The following MOV10L1 variants were observed in gnomAD, a reference collection of about 807,000 sequenced individuals.
MOV10L1 encodes Mov10 like RNA helicase 1.
Under a neutral mutation model 143.8 loss-of-function variants are expected in MOV10L1, and 110 were observed. The observed-to-expected ratio is 0.76, with a 90% CI of 0.66 to 0.90. The LOEUF is 0.90. Ranked by LOEUF, MOV10L1 falls within the 40% of genes least tolerant of loss-of-function variation. The pLI is 0.00. For synonymous variants in MOV10L1, 593 were observed against 581.1 expected (o/e 1.02, Z -0.29); for missense variants, 1,406 against 1,526.8 (o/e 0.92, Z 1.32).
chr22:50,142,236 G>T (rs201712990), intron 16 of MOV10L1, 47 bp downstream of exon 16: 3 of 1,508,766 alleles, frequency 2.0e-6, no homozygotes, highest in African/African-American at 2.8e-5. Flanking sequence ...TGAGACTGTC[G>T]CCTGGAAAAC....
intron 2 of MOV10L1, chr22:50,095,204 C>G (rs534430389): frequency 7.9e-5 from 12 of 152,314 alleles, no homozygotes; most frequent in Admixed American, 2.0e-4. Context: ...ACGTTCCCCA[C>G]CTGCACTTTC....
At chr22:50,097,699 T>G (rs146191501) in intron 2 of MOV10L1, among the ~76,000 whole-genome samples, 286 of 152,292 alleles carry the variant, frequency 1.9e-3, no homozygotes, top group Admixed American at 0.011. Flanking sequence ...AACCTTCAAT[T>G]TTGTTACTCC....
intron 12 of MOV10L1, among the ~76,000 whole-genome samples, chr22:50,127,827 C>T (rs931472869): frequency 6.6e-6 from 1 of 151,128 alleles, no homozygotes; most frequent in African/African-American, 2.4e-5. Flanking sequence ...GCCTGGAGTA[C>T]AGTGGTACGA....
At chr22:50,102,862 C>T (rs934951085) in intron 3 of MOV10L1, among the ~76,000 whole-genome samples, 3 of 152,070 alleles carry the variant, frequency 2.0e-5, no homozygotes, top group Admixed American at 6.6e-5. Flanking sequence ...GATCACACCA[C>T]TGCACTCCAG....
At chr22:50,131,181 T>C (rs2062668438) in intron 13 of MOV10L1, among the ~76,000 whole-genome samples, 1 of 152,082 alleles carries the variant, frequency 6.6e-6, no homozygotes, top group Non-Finnish European at 1.5e-5. Flanking sequence ...GTGCTGGGAT[T>C]ACAGGTGTGG....
chr22:50,142,467 G>A (rs529653174), intron 16 of MOV10L1, among the ~76,000 whole-genome samples: 4 of 152,146 alleles, frequency 2.6e-5, no homozygotes, highest in African/African-American at 7.2e-5. Flanking sequence ...CTCTAAAGCC[G>A]CAGAATCGGT....
chr22:50,127,450 G>C (rs2062543057), intron 12 of MOV10L1, among the ~76,000 whole-genome samples: 1 of 152,148 alleles, frequency 6.6e-6, no homozygotes. Context: ...GTCAGGACTT[G>C]GTCTGTCTTC....
intron 9 of MOV10L1, among the ~76,000 whole-genome samples, chr22:50,119,281 C>T (rs184459753): frequency 7.9e-5 from 12 of 152,280 alleles, no homozygotes; most frequent in Admixed American, 7.2e-4. Context: ...CCCGGGTTGG[C>T]TCGAGCACAC....
intron 5 of MOV10L1, among the ~76,000 whole-genome samples, chr22:50,110,496 G>T (rs1318126819): frequency 6.6e-6 from 1 of 151,412 alleles, no homozygotes; most frequent in Non-Finnish European, 1.5e-5. Context: ...CCATCTCTAT[G>T]GTTGACTGAA....
At chr22:50,144,684 C>T (rs1204095128) in intron 18 of MOV10L1, among the ~76,000 whole-genome samples, 1 of 151,886 alleles carries the variant, frequency 6.6e-6, no homozygotes, top group African/African-American at 2.4e-5. Flanking sequence ...CAGGTTCACA[C>T]CATTCTCTGG....
chr22:50,146,094 C>T (rs367731493), intron 19 of MOV10L1, among the ~76,000 whole-genome samples: 2 of 152,074 alleles, frequency 1.3e-5, no homozygotes, highest in East Asian at 1.9e-4. Context: ...CCAAAGGAGA[C>T]TGTAGAGCCA....
In MOV10L1 at chr22:50,143,147, CG is replaced by C. The variant is rs1461085860; in HGVS notation, c.2285del (p.Arg762LeufsTer17). On this transcript the variant is annotated frameshift_variant, in exon 17 of 27. Coordinates refer to ENST00000262794, the MANE Select transcript of MOV10L1 (RefSeq NM_018995.3). LOFTEE classifies it high-confidence loss of function. ...AVKRILSGDCRPLPYILFGPP... is the reference protein window; with the variant it reads ...AVKRILSGDCXPLPYILFGPP... ...TAAAAGGATTCTGAGTGGTGACTGC[CG>C]TCCCCTCCCGTATATTCTCTTTGGA... is the stretch of plus-strand genomic sequence containing the variant. The C allele has an allele frequency of 1.2e-6, 2 of 1,613,932 alleles. No individual in the cohort carries two copies. Among genetic ancestry groups the C allele is most frequent in the East Asian group, 4.5e-5 (2 of 44,894 alleles).
At chr22:50,138,204 G>A (rs2062885539) in intron 15 of MOV10L1, among the ~76,000 whole-genome samples, 2 of 152,276 alleles carry the variant, frequency 1.3e-5, no homozygotes, top group South Asian at 2.1e-4. Context: ...TGTTTCCTCA[G>A]CATTTCTGCC....
At chr22:50,139,258 T>C (rs1490910360) in intron 15 of MOV10L1, among the ~76,000 whole-genome samples, 2 of 152,040 alleles carry the variant, frequency 1.3e-5, no homozygotes, top group Non-Finnish European at 2.9e-5. Flanking sequence ...ATAGCCGCAA[T>C]GTCAAGCCTA....
At chr22:50,122,037 G>A (rs6010176) in intron 10 of MOV10L1, among the ~76,000 whole-genome samples, 79 of 152,070 alleles carry the variant, frequency 5.2e-4, no homozygotes, top group African/African-American at 1.6e-3. Flanking sequence ...TATTCCTCCC[G>A]CCTCAGCCTC....
At chr22:50,157,423 G>T (rs995061163) in intron 22 of MOV10L1, among the ~76,000 whole-genome samples, 2 of 152,052 alleles carry the variant, frequency 1.3e-5, no homozygotes, top group African/African-American at 4.8e-5. Context: ...TAATGTCGTG[G>T]GGCTTTTTCC....
chr22:50,149,046 C>G (rs2063226846), intron 19 of MOV10L1, among the ~76,000 whole-genome samples: 2 of 152,212 alleles, frequency 1.3e-5, no homozygotes, highest in African/African-American at 4.8e-5. Flanking sequence ...AGGCAGTGCC[C>G]AGCTGAGAGT....
chr22:50,152,792 C>G lies in MOV10L1; in HGVS notation c.2893-253C>G, dbSNP rs188438775. On this transcript the variant is annotated intron_variant, in intron 21 of 26. Coordinates refer to ENST00000262794, the MANE Select transcript of MOV10L1 (RefSeq NM_018995.3). The surrounding 1 kb of genome is among the most constrained non-coding windows in gnomAD (Gnocchi z 4.4). ...AGAGGCCCCTCAGCGGCACCCAGAC[C>G]CAGGAGAGGAACAGAGGGCAGCCGT... is the stretch of plus-strand genomic sequence containing the variant. Among the ~76,000 whole-genome samples the G allele has an allele frequency of 5.9e-5, 9 of 152,258 alleles. No individual in the cohort carries two copies. In the East Asian group the frequency reaches 1.7e-3, roughly 29 times the overall value.
chr22:50,111,798 C>T (rs936929261), intron 5 of MOV10L1, among the ~76,000 whole-genome samples: 7 of 152,194 alleles, frequency 4.6e-5, no homozygotes, highest in South Asian at 2.1e-4. Flanking sequence ...CCACCACGCC[C>T]GGCCCCGAGT....
Sources: allele counts gnomAD v4.1 joint callset (sites outside exome capture counted in the v4.1 genomes callset), GRCh38; gene constraint gnomAD v4.1.1; non-coding constraint Gnocchi (gnomAD v3.1); transcripts MANE v1.5; gene names NCBI Gene and HGNC (gene_info 2026-07-23, HGNC 2026-07-21).